IGSF11: variants seen among roughly 807,000 people sequenced by gnomAD.
IGSF11 encodes the protein immunoglobulin superfamily member 11.
IGSF11 carries 22 observed loss-of-function variants against 41.0 expected under a neutral mutation model. The observed-to-expected ratio is 0.54, with a 90% CI of 0.38 to 0.77. The LOEUF is 0.77. Among genes scored for constraint, IGSF11 ranks in the 30% least tolerant of loss-of-function variants. The pLI is 0.00. For missense variants in IGSF11, 444 were observed against 530.8 expected, an observed-to-expected ratio of 0.84 and a Z score of 1.61; for synonymous variants, 219 against 201.3, an observed-to-expected ratio of 1.09 and a Z score of -0.74.
At chr3:118,949,656 T>C (rs3922292) in intron 1 of IGSF11, among the ~76,000 whole-genome samples, 1 of 152,198 alleles carries the variant, frequency 6.6e-6, no homozygotes, top group African/African-American at 2.4e-5. Context: ...GCAAATTAGG[T>C]GGGCATTGCT....
At chr3:119,126,511 C>T (rs183313509) in intron 1 of IGSF11, among the ~76,000 whole-genome samples, 14 of 152,330 alleles carry the variant, frequency 9.2e-5, no homozygotes, top group African/African-American at 3.4e-4. Flanking sequence ...ACCCTCTCCA[C>T]CAAGGGACAA....
chr3:119,115,004 A>C (rs141246754), intron 1 of IGSF11, among the ~76,000 whole-genome samples: 1,527 of 152,258 alleles, frequency 0.01, 23 homozygotes, highest in African/African-American at 0.035. Context: ...GGTGCTACAC[A>C]CTTTAAAATA....
intron 1 of IGSF11, among the ~76,000 whole-genome samples, chr3:119,080,926 A>G (rs1056710926): frequency 1.3e-5 from 2 of 151,988 alleles, no homozygotes; most frequent in African/African-American, 4.8e-5. Flanking sequence ...ATTTCCTCCT[A>G]CTAAAATTTT....
chr3:119,007,463 C>G (rs1394618225), intron 1 of IGSF11, among the ~76,000 whole-genome samples: 1 of 152,082 alleles, frequency 6.6e-6, no homozygotes, highest in Non-Finnish European at 1.5e-5. Flanking sequence ...CGGAGCTGTT[C>G]CTATTCGGCC....
chr3:118,988,418 T>C (rs1419146907), intron 1 of IGSF11, among the ~76,000 whole-genome samples: 1 of 152,172 alleles, frequency 6.6e-6, no homozygotes. Context: ...ATACAGTTAG[T>C]TGCAAAACCT....
chr3:119,086,539 G>T (rs1369577), intron 1 of IGSF11, among the ~76,000 whole-genome samples: 5 of 151,890 alleles, frequency 3.3e-5, no homozygotes, highest in African/African-American at 4.8e-5. Flanking sequence ...ACACCTACAA[G>T]GGGAACCCCA....
At chr3:118,956,489 A>G (rs1944965855) in intron 1 of IGSF11, among the ~76,000 whole-genome samples, 1 of 152,148 alleles carries the variant, frequency 6.6e-6, no homozygotes, top group Non-Finnish European at 1.5e-5. Flanking sequence ...CTTTGAGGCT[A>G]TTACAGGGTT....
chr3:119,043,600 C>A (rs1012868150), intron 1 of IGSF11, among the ~76,000 whole-genome samples: 4 of 152,178 alleles, frequency 2.6e-5, no homozygotes, highest in South Asian at 4.1e-4. Flanking sequence ...AGCATAACAA[C>A]CATTCAAAAA....
chr3:119,105,610 T>C (rs1046121533), upstream of IGSF11, among the ~76,000 whole-genome samples: 3 of 152,194 alleles, frequency 2.0e-5, no homozygotes, highest in Non-Finnish European at 2.9e-5. Context: ...TATCCAATTT[T>C]CTTTAGTAAT....
chr3:119,050,412 C>G (rs1239744537), intron 1 of IGSF11, among the ~76,000 whole-genome samples: 1 of 152,158 alleles, frequency 6.6e-6, no homozygotes, highest in Non-Finnish European at 1.5e-5. Context: ...CCATCACTAG[C>G]CATCAGAGAA....
chr3:119,069,984 A>G (rs1317557189), intron 1 of IGSF11, among the ~76,000 whole-genome samples: 2 of 152,230 alleles, frequency 1.3e-5, no homozygotes, highest in Admixed American at 1.3e-4. Flanking sequence ...TTGAGCCCCT[A>G]CTAGGTGCTA....
At chr3:119,055,807 A>G (rs981847718) in intron 1 of IGSF11, among the ~76,000 whole-genome samples, 9 of 152,244 alleles carry the variant, frequency 5.9e-5, no homozygotes, top group African/African-American at 2.2e-4. Flanking sequence ...AGAACTCAGG[A>G]TTAAGAAACT....
intron 4 of IGSF11, among the ~76,000 whole-genome samples, chr3:118,913,652 G>C (rs1027421015): frequency 1.3e-5 from 2 of 152,124 alleles, no homozygotes; most frequent in Non-Finnish European, 2.9e-5. Flanking sequence ...CCTACTGAAG[G>C]GTGTGTGTAC....
chr3:119,077,201 A>C (rs1269036581), intron 1 of IGSF11, among the ~76,000 whole-genome samples: 1 of 150,778 alleles, frequency 6.6e-6, no homozygotes, highest in Non-Finnish European at 1.5e-5. Context: ...TCTCACTCAT[A>C]GGTGGGAATT....
At chr3:118,940,989 A>C (rs1423480853) in intron 1 of IGSF11, among the ~76,000 whole-genome samples, 2 of 151,582 alleles carry the variant, frequency 1.3e-5, no homozygotes, top group African/African-American at 4.8e-5. Context: ...AAATTTAAAC[A>C]TATCAATAAA....
intron 1 of IGSF11, among the ~76,000 whole-genome samples, chr3:119,117,298 T>A (rs2077271427): frequency 6.6e-6 from 1 of 152,106 alleles, no homozygotes; most frequent in African/African-American, 2.4e-5. Flanking sequence ...CTAGGTAATT[T>A]ATACAGGAAA....
intron 1 of IGSF11, among the ~76,000 whole-genome samples, chr3:118,991,112 T>C (rs1221950210): frequency 6.6e-6 from 1 of 152,154 alleles, no homozygotes; most frequent in African/African-American, 2.4e-5. Context: ...TAAAACTCAC[T>C]TAGAAAGGAC....
At chr3:119,004,744 T>C (rs201353073) in intron 1 of IGSF11, among the ~76,000 whole-genome samples, 51,942 of 146,256 alleles carry the variant, frequency 0.36, 10,966 homozygotes, top group African/African-American at 0.6. Context: ...CAGGAGCAGG[T>C]TGTTCAGTTT....
At chr3:118,955,876 C>T (rs996882116) in intron 1 of IGSF11, among the ~76,000 whole-genome samples, 4 of 152,100 alleles carry the variant, frequency 2.6e-5, no homozygotes, top group African/African-American at 9.7e-5. Flanking sequence ...CAGTCATTGA[C>T]TTCTCTCTAG....
Sources: gnomAD v4.1 joint callset for allele counts (sites outside exome capture counted in the v4.1 genomes callset) on GRCh38, gnomAD v4.1.1 for gene constraint, MANE v1.5 for transcripts, NCBI Gene and HGNC (gene_info 2026-07-23, HGNC 2026-07-21) for gene names.